The following TRAPPC9 variants were observed in gnomAD, a reference collection of about 807,000 sequenced individuals.
TRAPPC9 encodes IKK2 binding protein.
Under a neutral mutation model 124.0 loss-of-function variants are expected in TRAPPC9, and 83 were observed. The observed-to-expected ratio is 0.67, with a 90% CI of 0.56 to 0.80. The LOEUF (loss-of-function observed/expected upper bound fraction) is 0.80. TRAPPC9 is among the 30% of genes least tolerant of loss of function. The pLI is 0.00. For synonymous variants in TRAPPC9, 638 were observed against 617.5 expected (o/e 1.03, Z -0.49); for missense variants, 1,302 against 1,508.3 (o/e 0.86, Z 2.27).
intron 17 of TRAPPC9, among the ~76,000 whole-genome samples, chr8:140,049,730 C>G (rs943891109): frequency 6.6e-6 from 1 of 152,202 alleles, no homozygotes; most frequent in Non-Finnish European, 1.5e-5. Flanking sequence ...GAAAGCGGAT[C>G]TCTGAGCAGC....
chr8:140,454,313 T>C (rs1161841865), intron 1 of TRAPPC9, among the ~76,000 whole-genome samples: 3 of 149,290 alleles, frequency 2.0e-5, no homozygotes, highest in Non-Finnish European at 4.4e-5. Flanking sequence ...ATAAAAATGA[T>C]TTAAAAATAA....
At chr8:139,735,516 C>T (rs1303682288) in intron 21 of TRAPPC9, among the ~76,000 whole-genome samples, 2 of 152,200 alleles carry the variant, frequency 1.3e-5, no homozygotes, top group Admixed American at 6.5e-5. Flanking sequence ...TGAACCGAAC[C>T]AGGCGCGGTC....
At chr8:140,272,126 G>A (rs1321862872) in intron 15 of TRAPPC9, among the ~76,000 whole-genome samples, 8 of 146,786 alleles carry the variant, frequency 5.5e-5, no homozygotes, top group South Asian at 4.5e-4. Context: ...AATGGTGATG[G>A]TGGCGATGGT....
chr8:140,359,705 T>C (rs867743599), intron 9 of TRAPPC9, among the ~76,000 whole-genome samples: 23 of 152,310 alleles, frequency 1.5e-4, no homozygotes, highest in South Asian at 8.3e-4. Context: ...TATGTAAATG[T>C]TATGCTTTGA....
chr8:139,739,323 C>G (rs1211266607), intron 21 of TRAPPC9, among the ~76,000 whole-genome samples: 2 of 152,236 alleles, frequency 1.3e-5, no homozygotes, highest in Non-Finnish European at 2.9e-5. Context: ...CGCTCCCTCT[C>G]CTTTCTGCAC....
chr8:139,939,821 A>C (rs1462844855), intron 19 of TRAPPC9, among the ~76,000 whole-genome samples: 1 of 152,182 alleles, frequency 6.6e-6, no homozygotes, highest in Non-Finnish European at 1.5e-5. Flanking sequence ...ATGGCAACAA[A>C]AATGCCTCCA....
At chr8:140,179,110 T>C (rs2062141211) in intron 17 of TRAPPC9, among the ~76,000 whole-genome samples, 1 of 152,166 alleles carries the variant, frequency 6.6e-6, no homozygotes, top group African/African-American at 2.4e-5. Flanking sequence ...CTGATCTTTA[T>C]TTTCTTCTCC....
rs2061983971 is a variant in TRAPPC9 at position 140,172,398 on chromosome 8, G to A, written c.2556+49061C>T. ...GTTAAACTACCTGTGGGCAATGGAGGGGGGTTAAACTACCTGTGGGCAATG... is the reference window on the plus strand; with the variant it reads ...GTTAAACTACCTGTGGGCAATGGAGAGGGGTTAAACTACCTGTGGGCAATG... On this transcript the variant is annotated intron_variant, in intron 17 of 22. Transcript: ENST00000438773. 2.8e-5 allele frequency among the ~76,000 whole-genome samples: 4 copies of A among 141,398 alleles called. 1 individual carries two copies. The highest frequency in any genetic ancestry group is 1.5e-4 in the Admixed American group (2 of 13,102). The allele number at this position is 141,398 out of a possible 152,430, so 92.8% of individuals were successfully genotyped here.
At chr8:140,209,578 T>TA (rs2063007684) in intron 17 of TRAPPC9, among the ~76,000 whole-genome samples, 1 of 152,268 alleles carries the variant, frequency 6.6e-6, no homozygotes, top group Non-Finnish European at 1.5e-5. Context: ...GCTTAAACTT[T>TA]GTGGAAAGAA....
intron 21 of TRAPPC9, among the ~76,000 whole-genome samples, chr8:139,847,018 T>C (rs55758896): frequency 6.6e-6 from 1 of 152,192 alleles, no homozygotes; most frequent in Non-Finnish European, 1.5e-5. Context: ...TATTAAGAGA[T>C]GACTGTGTGC....
intron 12 of TRAPPC9, among the ~76,000 whole-genome samples, chr8:140,290,565 G>C (rs1442356027): frequency 7.0e-6 from 1 of 143,480 alleles, no homozygotes; most frequent in Non-Finnish European, 1.5e-5. Context: ...GGTGGTGGTG[G>C]TGTGGTCATT....
At position 140,029,236 on chromosome 8, in the gene TRAPPC9, G is replaced by T. The variant is rs143365889; in HGVS notation, c.2557-5157C>A. On this transcript the variant is annotated intron_variant, in intron 17 of 22. Transcript: ENST00000438773. ...CTCCCAAAAGATGGCCAGGCATTGCGGCTCATGCCTGTAGTCCCAGCAGTT... is the reference window on the plus strand; with the variant it reads ...CTCCCAAAAGATGGCCAGGCATTGCTGCTCATGCCTGTAGTCCCAGCAGTT... Among the ~76,000 whole-genome samples, 38 of 152,326 alleles carry T rather than the reference G, an allele frequency of 2.5e-4. No homozygotes were observed. The East Asian group carries it at 6.4e-3, about 26-fold the overall frequency.
At chr8:140,277,465 G>A (rs1040490182) in intron 14 of TRAPPC9, among the ~76,000 whole-genome samples, 2 of 152,180 alleles carry the variant, frequency 1.3e-5, no homozygotes, top group African/African-American at 4.8e-5. Flanking sequence ...TAGTCAATGT[G>A]GATTTGCAGA....
At chr8:140,081,692 C>T (rs936021486) in intron 17 of TRAPPC9, among the ~76,000 whole-genome samples, 1 of 152,104 alleles carries the variant, frequency 6.6e-6, no homozygotes. Context: ...TAAGGCATTT[C>T]GCATAAAAAC....
intron 20 of TRAPPC9, among the ~76,000 whole-genome samples, chr8:139,906,345 T>C (rs1024125845): frequency 6.6e-6 from 1 of 152,032 alleles, no homozygotes; most frequent in Non-Finnish European, 1.5e-5. Context: ...CTCCTTGTGA[T>C]AAACGTGCCC....
chr8:139,980,989 A>G (rs1836856232), intron 19 of TRAPPC9, among the ~76,000 whole-genome samples: 1 of 152,112 alleles, frequency 6.6e-6, no homozygotes, highest in Non-Finnish European at 1.5e-5. Context: ...AAGTCATCCT[A>G]TTTTTCTTTT....
At chr8:140,451,788 C>T (rs953837417) in intron 1 of TRAPPC9, among the ~76,000 whole-genome samples, 21 of 152,168 alleles carry the variant, frequency 1.4e-4, no homozygotes, top group Admixed American at 1.1e-3. Flanking sequence ...GAATTCCGGG[C>T]TCCCTGGAAC....
chr8:140,423,482 C>T (rs1382558562), intron 5 of TRAPPC9, among the ~76,000 whole-genome samples: 1 of 151,790 alleles, frequency 6.6e-6, no homozygotes, highest in Non-Finnish European at 1.5e-5. Flanking sequence ...CACATGTCCA[C>T]ACAAATGCTT....
chr8:139,815,536 C>A (rs1040570882), intron 21 of TRAPPC9, among the ~76,000 whole-genome samples: 33 of 152,192 alleles, frequency 2.2e-4, no homozygotes, highest in African/African-American at 7.9e-4. Flanking sequence ...TACAGACTTG[C>A]GCCACCACAC....
Sources: allele counts gnomAD v4.1 joint callset (sites outside exome capture counted in the v4.1 genomes callset), GRCh38; gene constraint gnomAD v4.1.1; transcripts MANE v1.5; gene names NCBI Gene and HGNC (gene_info 2026-07-23, HGNC 2026-07-21).